Variants in RNF25 observed in about 807,000 individuals in gnomAD.
RNF25 encodes ring finger protein 25.
A neutral mutation model predicts 65.0 loss-of-function variants in RNF25; 32 were observed. The ratio of observed to expected loss-of-function variants is 0.49; its 90% CI spans 0.37 to 0.66. The LOEUF is 0.66. RNF25 is among the 30% of genes least tolerant of loss of function. The pLI is 0.00. For missense variants in RNF25, 493 were observed against 584.8 expected, an observed-to-expected ratio of 0.84 and a Z score of 1.62; for synonymous variants, 207 against 221.2, an observed-to-expected ratio of 0.94 and a Z score of 0.57.
chr2:218,668,270 C>T lies in RNF25; in HGVS notation c.188G>A (p.Cys63Tyr), dbSNP rs775583150. 27 of 1,613,968 alleles carry T rather than the reference C, an allele frequency of 1.7e-5. No individual in the cohort carries two copies. The highest frequency in any genetic ancestry group is 3.4e-6 in the Non-Finnish European group (4 of 1,180,014). The change falls in exon 3 of 10, where the codon TGC becomes TAC. Residue 63 changes from cysteine (C) to tyrosine (Y), a missense_variant. Coordinates refer to ENST00000295704, the MANE Select transcript of RNF25 (RefSeq NM_022453.3). ...TAEDQDSQYV[C>Y]FTLVLQVPAE... is the part of the protein sequence containing the mutation. ...TGGGACCTGAAGCACCAGAGTGAAG[C>T]AGACATACTGTGAATCCTGGTCCTC...
At chr2:218,666,295 T>G in intron 5 of RNF25, 65 bp from the exon 6 acceptor site, 1 of 1,320,814 alleles carries the variant, frequency 7.6e-7, no homozygotes, top group East Asian at 2.3e-5. Context: ...GCCTGTCTAC[T>G]ACTCCTAGGA....
intron 7 of RNF25, 104 bp from the exon 8 acceptor site, chr2:218,665,351 A>G: frequency 1.1e-6 from 1 of 940,290 alleles, no homozygotes; most frequent in East Asian, 2.5e-5. Flanking sequence ...TAAAGGGCAC[A>G]GGGACACCGG....
chr2:218,670,151 A>T (rs868868054), intron 1 of RNF25, among the ~76,000 whole-genome samples: 1 of 150,858 alleles, frequency 6.6e-6, no homozygotes, highest in Middle Eastern at 3.4e-3. Flanking sequence ...GTGAGCCATG[A>T]TCTTGCCACT....
intron 7 of RNF25, 116 bp downstream of exon 7, chr2:218,665,800 C>G: frequency 7.6e-7 from 1 of 1,319,852 alleles, no homozygotes. Context: ...TCATTAATCT[C>G]AAGGGTATCT....
rs1234118107 is a variant in RNF25, at chr2:218,664,098, C to T, written c.1239G>A (p.Arg413=). ...GCTCCCAGCGAACACAGTCCCGAGT[C>T]CTGCGGGGTGGGGGCCCCTGCCAGC... ...PGSWQGPPPR[R]TRDCVRWERS... is the part of the protein sequence containing the mutation. Residue 413 remains arginine, a synonymous_variant, in exon 10 of 10, where the codon AGG becomes AGA. Transcript: ENST00000295704. The surrounding 1 kb of genome is among the most constrained non-coding windows in gnomAD (Gnocchi z 5.1). The T allele has an allele frequency of 6.6e-7, 1 of 1,523,236 alleles. No individual in the cohort carries two copies. The highest frequency in any genetic ancestry group is 8.8e-7 in the Non-Finnish European group (1 of 1,138,276). 94.4% of individuals were successfully genotyped at this position (1,523,236 alleles called of 1,614,324 possible).
In RNF25 at chr2:218,664,024, C is replaced by G; in HGVS notation, c.1313G>C (p.Gly438Ala). 6.7e-7 allele frequency: 1 copy of G among 1,493,792 alleles called. No individual in the cohort carries two copies. The highest frequency in any genetic ancestry group is 2.3e-5 in the East Asian group (1 of 43,462). The allele number at this position is 1,493,792 out of a possible 1,614,324, so 92.5% of individuals were successfully genotyped here. A position where few individuals can be genotyped will look rare whatever the true frequency, so the allele number is the denominator to read the frequency against. Reference sequence around the variant, plus strand: ...AGTACCAGGCCGGTATGCTCCCTGGCCCCGAGGCAGGCGAGGGTAGGAAGA... The same window carrying G: ...AGTACCAGGCCGGTATGCTCCCTGGGCCCGAGGCAGGCGAGGGTAGGAAGA... ...PGSSYPRLPR[G>A]QGAYRPGTRR... Residue 438 changes from glycine to alanine, a missense_variant, in exon 10 of 10, where the codon GGC (glycine) becomes GCC (alanine). Gly to Ala is a moderately conservative substitution (Grantham distance 60). Transcript: ENST00000295704. The surrounding 1 kb of genome is among the most constrained non-coding windows in gnomAD (Gnocchi z 5.1).
chr2:218,665,078 A>G, intron 8 of RNF25, 77 bp downstream of exon 8: 1 of 1,498,812 alleles, frequency 6.7e-7, no homozygotes, highest in Non-Finnish European at 9.3e-7. Context: ...ATCCCATTTG[A>G]CACAGACAAG....
At chr2:218,665,371 G>A (rs993757798) in intron 7 of RNF25, 124 bp from the exon 8 acceptor site, 3 of 768,434 alleles carry the variant, frequency 3.9e-6, no homozygotes, top group African/African-American at 3.5e-5. Context: ...GTTCAGCAGT[G>A]AGTTGGGACA....
intron 1 of RNF25, among the ~76,000 whole-genome samples, chr2:218,670,486 G>A (rs970313627): frequency 2.0e-4 from 31 of 151,694 alleles, no homozygotes; most frequent in African/African-American, 7.0e-4. Flanking sequence ...ATGAAGTCAG[G>A]AGATAGAGAC....
intron 5 of RNF25, among the ~76,000 whole-genome samples, chr2:218,666,807 T>G (rs1402437608): frequency 6.6e-6 from 1 of 152,240 alleles, no homozygotes; most frequent in Non-Finnish European, 1.5e-5. Context: ...CGGTGGCCTA[T>G]CAAACCCACT....
chr2:218,670,474 T>C, intron 1 of RNF25, among the ~76,000 whole-genome samples: 1 of 151,410 alleles, frequency 6.6e-6, no homozygotes. Context: ...GGCGGGTGGA[T>C]CATGAAGTCA....
intron 5 of RNF25, among the ~76,000 whole-genome samples, chr2:218,667,127 C>T (rs1431909174): frequency 5.4e-5 from 8 of 148,752 alleles, no homozygotes; most frequent in African/African-American, 7.4e-5. Flanking sequence ...GAGATCACAC[C>T]ACTGCACTCC....
At chr2:218,666,733 T>C (rs149295547) in intron 5 of RNF25, among the ~76,000 whole-genome samples, 241 of 152,344 alleles carry the variant, frequency 1.6e-3, no homozygotes, top group African/African-American at 5.6e-3. Context: ...GAATAGCTAA[T>C]AGTGTACTCT....
intron 1 of RNF25, 115 bp downstream of exon 1, chr2:218,671,815 C>T: frequency 8.9e-7 from 1 of 1,120,690 alleles, no homozygotes; most frequent in Non-Finnish European, 1.3e-6. Context: ...GCATCTCTGC[C>T]ATCCCTCATC....
chr2:218,668,298 C>T lies in RNF25; in HGVS notation c.160G>A (p.Ala54Thr), dbSNP rs1263249260. The change falls in exon 3 of 10, where the codon GCA becomes ACA. Residue 54 changes from alanine (A) to threonine (T), a missense_variant. By Grantham distance (58) the Ala-to-Thr change is moderately conservative. Transcript: ENST00000295704. ...ACATACTGTGAATCCTGGTCCTCTGCAGTGGCAGGATGCAAAGTGATGTAG... is the reference window on the plus strand; with the variant it reads ...ACATACTGTGAATCCTGGTCCTCTGTAGTGGCAGGATGCAAAGTGATGTAG... The part of the protein sequence containing the change: ...EIYITLHPAT[A>T]EDQDSQYVCF... 6.2e-6 allele frequency: 10 copies of T among 1,613,362 alleles called. No homozygotes were observed. The highest frequency in any genetic ancestry group is 8.5e-6 in the Non-Finnish European group (10 of 1,179,966).
At chr2:218,669,014 T>C (rs116285912) in intron 1 of RNF25, among the ~76,000 whole-genome samples, 1,549 of 152,344 alleles carry the variant, frequency 0.01, 28 homozygotes, top group African/African-American at 0.035. Context: ...AGTGGCTGAA[T>C]CTCTGGTCTA....
In RNF25 at chr2:218,664,929, C is replaced by T; in HGVS notation, c.667-56G>A. 1 of 1,605,904 alleles carries T rather than the reference C, an allele frequency of 6.2e-7. No homozygotes were observed. The highest frequency in any genetic ancestry group is 1.1e-5 in the South Asian group (1 of 90,106). ...TGAACAGCAGAAGGCTGACTCAAAC[C>T]TCTACTCCTCCCAGGCTGCCTCAGG... On this transcript the variant is annotated intron_variant, in intron 8 of 9. Coordinates refer to ENST00000295704, the MANE Select transcript of RNF25 (RefSeq NM_022453.3). The surrounding 1 kb of genome is among the most constrained non-coding windows in gnomAD (Gnocchi z 5.1).
At chr2:218,670,502 TG>T (rs1188912049) in intron 1 of RNF25, among the ~76,000 whole-genome samples, 6 of 151,772 alleles carry the variant, frequency 4.0e-5, no homozygotes, top group African/African-American at 1.5e-4. Flanking sequence ...GAGACCATCC[TG>T]GCTAACAGGG....
intron 1 of RNF25, among the ~76,000 whole-genome samples, chr2:218,671,446 A>G (rs903066783): frequency 6.6e-6 from 1 of 152,128 alleles, no homozygotes; most frequent in African/African-American, 2.4e-5. Flanking sequence ...ACTTTATATG[A>G]AGTGTAAAGC....
Sources: gnomAD v4.1 joint callset for allele counts (sites outside exome capture counted in the v4.1 genomes callset) on GRCh38, gnomAD v4.1.1 for gene constraint, Gnocchi (gnomAD v3.1) non-coding constraint, MANE v1.5 for transcripts, NCBI Gene and HGNC (gene_info 2026-07-23, HGNC 2026-07-21) for gene names.